The following SLC44A5 variants were observed in gnomAD, a reference collection of about 807,000 sequenced individuals.
The protein encoded by SLC44A5 is choline transporter-like protein 5.
SLC44A5 carries 57 observed loss-of-function variants against 101.8 expected under a neutral mutation model. The observed-to-expected ratio is 0.56, with a 90% CI of 0.45 to 0.70. The LOEUF is 0.70. Ranked by LOEUF, SLC44A5 falls within the 30% of genes least tolerant of loss-of-function variation. The pLI is 0.00. For missense variants in SLC44A5, 737 were observed against 853.1 expected (o/e 0.86, Z 1.70); for synonymous variants, 281 against 290.9 (o/e 0.97, Z 0.35).
At chr1:75,301,703 A>G (rs542933509) in intron 4 of SLC44A5, among the ~76,000 whole-genome samples, 3 of 152,320 alleles carry the variant, frequency 2.0e-5, no homozygotes, top group African/African-American at 7.2e-5. Context: ...TACTTGTATT[A>G]CTTTCAGAAA....
intron 13 of SLC44A5, among the ~76,000 whole-genome samples, chr1:75,222,974 C>T (rs910887652): frequency 6.6e-6 from 1 of 152,022 alleles, no homozygotes; most frequent in African/African-American, 2.4e-5. Flanking sequence ...GTAAACTTAA[C>T]CCAACTTGGC....
At position 75,242,056 on chromosome 1, in the gene SLC44A5, G is replaced by A. The variant is rs750861585; in HGVS notation, c.477C>T (p.Leu159=). The part of the protein sequence containing the change: ...CKTTAKPVKS[L]TQLLLDDDCP... ...AATCATCATCCAGTAAAAGCTGTGT[G>A]AGAGACTAAAATAGAAGGAAGAACG... The change falls in exon 9 of 24, where the codon CTC becomes CTT. Residue 159 remains leucine (L), a synonymous_variant. Coordinates refer to ENST00000370859, the MANE Select transcript of SLC44A5 (RefSeq NM_001130058.2). The A allele has an allele frequency of 2.5e-6, 4 of 1,611,674 alleles. No individual in the cohort carries two copies. Among genetic ancestry groups the A allele is most frequent in the Non-Finnish European group, 1.7e-6 (2 of 1,178,482 alleles).
At chr1:75,314,343 C>T (rs10493570) in intron 4 of SLC44A5, among the ~76,000 whole-genome samples, 18,597 of 152,162 alleles carry the variant, frequency 0.12, 1,221 homozygotes, top group Middle Eastern at 0.22. Flanking sequence ...TGCTATCTTG[C>T]ATGGACAATA....
chr1:75,359,106 T>TA (rs1248085200), intron 3 of SLC44A5, among the ~76,000 whole-genome samples: 10 of 152,082 alleles, frequency 6.6e-5, no homozygotes, highest in Admixed American at 6.6e-4. Context: ...TTTTTGTGCC[T>TA]AGGCATATTT....
intron 1 of SLC44A5, among the ~76,000 whole-genome samples, chr1:75,594,051 C>T (rs536063282): frequency 2.0e-5 from 3 of 151,958 alleles, no homozygotes; most frequent in Admixed American, 6.6e-5. Flanking sequence ...CCCTATTCTT[C>T]ATGATGTGCT....
At chr1:75,425,999 T>G (rs1471714800) in intron 2 of SLC44A5, among the ~76,000 whole-genome samples, 1 of 152,154 alleles carries the variant, frequency 6.6e-6, no homozygotes, top group Non-Finnish European at 1.5e-5. Context: ...TATTTGTCTC[T>G]AGAGAATGAT....
At chr1:75,472,234 G>C (rs910090290) in intron 2 of SLC44A5, among the ~76,000 whole-genome samples, 6 of 152,014 alleles carry the variant, frequency 3.9e-5, no homozygotes, top group Admixed American at 3.9e-4. Context: ...AGTCATGCAG[G>C]GGAAAGTGTG....
chr1:75,593,505 A>C (rs537837749), intron 1 of SLC44A5, among the ~76,000 whole-genome samples: 2 of 152,184 alleles, frequency 1.3e-5, no homozygotes, highest in Non-Finnish European at 2.9e-5. Context: ...AAAAGAAAGG[A>C]AATCAGTATA....
the SLC44A5 span, among the ~76,000 whole-genome samples, chr1:75,665,638 G>T: frequency 6.6e-6 from 1 of 152,092 alleles, no homozygotes; most frequent in Non-Finnish European, 1.5e-5. Context: ...CACAGCAAAA[G>T]AAACTAACAG....
intron 2 of SLC44A5, among the ~76,000 whole-genome samples, chr1:75,419,302 A>G (rs961625855): frequency 6.6e-6 from 1 of 152,150 alleles, no homozygotes; most frequent in Non-Finnish European, 1.5e-5. Flanking sequence ...AACCACACCA[A>G]GGAACAATAT....
chr1:75,526,290 T>C (rs1670402911), intron 2 of SLC44A5, among the ~76,000 whole-genome samples: 2 of 152,220 alleles, frequency 1.3e-5, no homozygotes, highest in Non-Finnish European at 2.9e-5. Context: ...ACAGAATCAG[T>C]AACTAACTTC....
At chr1:75,396,033 G>A (rs1216307739) in intron 3 of SLC44A5, among the ~76,000 whole-genome samples, 1 of 152,130 alleles carries the variant, frequency 6.6e-6, no homozygotes, top group African/African-American at 2.4e-5. Context: ...TTCTGAAGGT[G>A]CAGATTCTGA....
At chr1:75,377,378 G>T (rs1660702893) in intron 3 of SLC44A5, among the ~76,000 whole-genome samples, 1 of 44,392 alleles carries the variant, frequency 2.3e-5, no homozygotes, top group African/African-American at 9.5e-5. Context: ...CACAAAAACT[G>T]CGGAAGGCCG....
rs116352224 is a variant in SLC44A5 at position 75,345,509 on chromosome 1, G to A, written c.53-5879C>T. 9.6e-3 allele frequency among the ~76,000 whole-genome samples: 1,465 copies of A among 152,200 alleles called. 19 individuals carry two copies. The highest frequency in any genetic ancestry group is 0.034 in the African/African-American group (1,410 of 41,534). ...TGTAAATTACCCACATAACTAAAGCGATCAGTGTAGAATCAGTACAAACCA... is the reference window on the plus strand; with the variant it reads ...TGTAAATTACCCACATAACTAAAGCAATCAGTGTAGAATCAGTACAAACCA... On this transcript the variant is annotated intron_variant, in intron 3 of 23. Transcript: ENST00000370859.
At chr1:75,287,426 C>CTTATTTTT (rs1653149699) in intron 5 of SLC44A5, among the ~76,000 whole-genome samples, 1 of 69,910 alleles carries the variant, frequency 1.4e-5, no homozygotes, top group Non-Finnish European at 2.5e-5. Flanking sequence ...CTTCTGAATT[C>CTTATTTTT]TTTTTTTTTT....
At chr1:75,466,382 T>C (rs1345519271) in intron 2 of SLC44A5, among the ~76,000 whole-genome samples, 2 of 151,796 alleles carry the variant, frequency 1.3e-5, no homozygotes, top group East Asian at 3.9e-4. Context: ...ACTGGCCGGG[T>C]GTGGTGGCTC....
chr1:75,246,628 A>T (rs1257240538), intron 7 of SLC44A5, among the ~76,000 whole-genome samples: 1 of 152,120 alleles, frequency 6.6e-6, no homozygotes, highest in South Asian at 2.1e-4. Context: ...TAAGATGATA[A>T]ATAAATAAGG....
At chr1:75,230,102 G>T (rs1647409852) in intron 12 of SLC44A5, among the ~76,000 whole-genome samples, 1 of 152,070 alleles carries the variant, frequency 6.6e-6, no homozygotes, top group Non-Finnish European at 1.5e-5. Context: ...TTGCTGTTTA[G>T]CTTATCAATT....
At chr1:75,709,112 A>G in the SLC44A5 span, among the ~76,000 whole-genome samples, 4 of 152,184 alleles carry the variant, frequency 2.6e-5, no homozygotes, top group African/African-American at 9.7e-5. Context: ...TTAATCTCAG[A>G]GTTGTAACTT....
Sources: allele counts gnomAD v4.1 joint callset (sites outside exome capture counted in the v4.1 genomes callset), GRCh38; gene constraint gnomAD v4.1.1; transcripts MANE v1.5; gene names NCBI Gene and HGNC (gene_info 2026-07-23, HGNC 2026-07-21).